The following TRAK1 variants were observed in gnomAD, a reference collection of about 807,000 sequenced individuals.
The protein encoded by TRAK1 is trafficking kinesin protein 1, also known as trafficking kinesin-binding protein 1.
TRAK1 carries 33 observed loss-of-function variants against 92.1 expected under a neutral mutation model. The observed-to-expected ratio is 0.36, with a 90% CI of 0.27 to 0.48. The LOEUF (loss-of-function observed/expected upper bound fraction) is 0.48, where lower values mean the gene tolerates loss of function less well. TRAK1 is among the 20% of genes least tolerant of loss of function. The pLI, the probability that TRAK1 is intolerant of heterozygous loss-of-function variation, is 0.99. For synonymous variants in TRAK1, 521 were observed against 517.3 expected, an observed-to-expected ratio of 1.01 and a Z score of -0.10; for missense variants, 1,123 against 1,257.9, an observed-to-expected ratio of 0.89 and a Z score of 1.62.
chr3:42,097,743 C>T (rs1164293723), intron 1 of TRAK1, among the ~76,000 whole-genome samples: 7 of 152,290 alleles, frequency 4.6e-5, no homozygotes, highest in East Asian at 1.9e-4. Flanking sequence ...GAATACCATG[C>T]GGCACCTGCT....
chr3:42,129,736 C>A (rs775290567), intron 2 of TRAK1, among the ~76,000 whole-genome samples: 9 of 152,150 alleles, frequency 5.9e-5, no homozygotes, highest in Non-Finnish European at 1.2e-4. Flanking sequence ...AATACTCTTG[C>A]ATTCTGCACA....
At chr3:42,113,943 C>G (rs1400705894) in intron 1 of TRAK1, among the ~76,000 whole-genome samples, 1 of 152,162 alleles carries the variant, frequency 6.6e-6, no homozygotes, top group African/African-American at 2.4e-5. Flanking sequence ...ACATTTTCAT[C>G]ACCCCAAAAG....
At chr3:42,117,117 C>T (rs934207544) in intron 1 of TRAK1, among the ~76,000 whole-genome samples, 38 of 152,132 alleles carry the variant, frequency 2.5e-4, no homozygotes, top group Non-Finnish European at 4.4e-4. Flanking sequence ...GCGGCTGCCC[C>T]CCAGACACAG....
intron 2 of TRAK1, among the ~76,000 whole-genome samples, chr3:42,173,420 G>A (rs1359901704): frequency 1.3e-5 from 2 of 152,092 alleles, no homozygotes; most frequent in African/African-American, 2.4e-5. Context: ...ACCTTCATTG[G>A]TCTCACTCTT....
intron 2 of TRAK1, among the ~76,000 whole-genome samples, chr3:42,160,690 G>A (rs914913733): frequency 2.0e-5 from 3 of 151,118 alleles, no homozygotes; most frequent in African/African-American, 7.3e-5. Context: ...GAAGTCCCTT[G>A]GTCCCTTTCT....
At chr3:42,016,438 C>T (rs181360131) in intron 1 of TRAK1, among the ~76,000 whole-genome samples, 6 of 152,328 alleles carry the variant, frequency 3.9e-5, no homozygotes, top group East Asian at 1.9e-4. Context: ...CTCTTGACCT[C>T]GAGTGATCTG....
intron 10 of TRAK1, among the ~76,000 whole-genome samples, chr3:42,195,616 G>A (rs1203115515): frequency 6.6e-6 from 1 of 150,890 alleles, no homozygotes; most frequent in East Asian, 1.9e-4. Flanking sequence ...ACTCCTTGTT[G>A]TCTGGCCCAC....
At chr3:42,059,511 G>A (rs548844552) in intron 1 of TRAK1, among the ~76,000 whole-genome samples, 8 of 152,264 alleles carry the variant, frequency 5.3e-5, no homozygotes, top group Admixed American at 4.6e-4. Context: ...ACTGTGGCCT[G>A]TTTCTCCCTG....
intron 1 of TRAK1, among the ~76,000 whole-genome samples, chr3:42,100,203 CAA>C (rs1045651254): frequency 5.9e-5 from 9 of 152,100 alleles, no homozygotes; most frequent in Non-Finnish European, 1.3e-4. Context: ...CCCATCTCTA[CAA>C]AAAATACAAA....
At chr3:42,049,465 C>G (rs1702896053) in intron 1 of TRAK1, among the ~76,000 whole-genome samples, 1 of 151,720 alleles carries the variant, frequency 6.6e-6, no homozygotes, top group African/African-American at 2.4e-5. Flanking sequence ...TATTTACTTA[C>G]TTTTTCCATC....
intron 2 of TRAK1, among the ~76,000 whole-genome samples, chr3:42,173,990 T>C (rs1010490900): frequency 6.6e-6 from 1 of 152,176 alleles, no homozygotes; most frequent in African/African-American, 2.4e-5. Context: ...ATGGTGTTAA[T>C]ATAAGTGCTT....
At chr3:42,172,731 C>T (rs1041692173) in intron 2 of TRAK1, among the ~76,000 whole-genome samples, 1 of 152,086 alleles carries the variant, frequency 6.6e-6, no homozygotes, top group Non-Finnish European at 1.5e-5. Flanking sequence ...GAGCTTGGTG[C>T]GTGGTAATGG....
chr3:42,108,871 G>T (rs567169667), intron 1 of TRAK1, among the ~76,000 whole-genome samples: 1 of 152,226 alleles, frequency 6.6e-6, no homozygotes, highest in Non-Finnish European at 1.5e-5. Flanking sequence ...GTCAAAAAGT[G>T]AAGCTTTATC....
intron 3 of TRAK1, among the ~76,000 whole-genome samples, chr3:42,183,871 A>T (rs1467102341): frequency 6.6e-6 from 1 of 152,112 alleles, no homozygotes; most frequent in Non-Finnish European, 1.5e-5. Flanking sequence ...TCTGTCCACT[A>T]TCAGGGGACG....
At chr3:42,204,589 T>A (rs919579898) in intron 13 of TRAK1, among the ~76,000 whole-genome samples, 3 of 152,218 alleles carry the variant, frequency 2.0e-5, no homozygotes, top group African/African-American at 7.2e-5. Flanking sequence ...TGTTTATTTA[T>A]GTATTTAGTT....
intron 3 of TRAK1, among the ~76,000 whole-genome samples, chr3:42,178,980 T>TAAAAC (rs376597631): frequency 6.6e-6 from 1 of 151,762 alleles, no homozygotes; most frequent in Admixed American, 6.6e-5. Flanking sequence ...TCTCAAAAAA[T>TAAAAC]AAAACAAAAC....
intron 1 of TRAK1, among the ~76,000 whole-genome samples, chr3:42,121,919 G>A (rs1355468167): frequency 2.0e-5 from 3 of 152,032 alleles, no homozygotes; most frequent in African/African-American, 7.2e-5. Flanking sequence ...CCGGGTTCAA[G>A]TGATTCTCTT....
chr3:42,186,724 C>G (rs1384729564), intron 4 of TRAK1, among the ~76,000 whole-genome samples: 1 of 152,188 alleles, frequency 6.6e-6, no homozygotes, highest in African/African-American at 2.4e-5. Context: ...CAAAGAGGAT[C>G]CAGCTCTCTG....
chr3:42,160,473 G>A (rs1292458224), intron 2 of TRAK1: 4 of 1,613,972 alleles, frequency 2.5e-6, no homozygotes, highest in Non-Finnish European at 3.4e-6. Context: ...CTTGGAAGAG[G>A]GTAAATTCTG....
Sources: allele counts gnomAD v4.1 joint callset (sites outside exome capture counted in the v4.1 genomes callset), GRCh38; gene constraint gnomAD v4.1.1; transcripts MANE v1.5; gene names NCBI Gene and HGNC (gene_info 2026-07-23, HGNC 2026-07-21).